The following ANKRD55 variants were observed in gnomAD, a reference collection of about 807,000 sequenced individuals.
ANKRD55 encodes the protein ankyrin repeat domain-containing protein 55.
Under a neutral mutation model 60.6 loss-of-function variants are expected in ANKRD55, and 41 were observed. The observed-to-expected ratio is 0.68, with a 90% CI of 0.53 to 0.88. The LOEUF (loss-of-function observed/expected upper bound fraction) is 0.88. Among genes scored for constraint, ANKRD55 ranks in the 40% least tolerant of loss-of-function variants. ANKRD55 has a pLI of 0.00. For missense variants in ANKRD55, 732 were observed against 767.6 expected, an observed-to-expected ratio of 0.95 and a Z score of 0.55; for synonymous variants, 264 against 290.3, an observed-to-expected ratio of 0.91 and a Z score of 0.92.
intron 5 of ANKRD55, among the ~76,000 whole-genome samples, chr5:56,164,111 A>C (rs1337934952): frequency 1.3e-5 from 2 of 152,144 alleles, no homozygotes; most frequent in Non-Finnish European, 2.9e-5. Context: ...ACAAAAAACA[A>C]ACAAAAAATT....
At chr5:56,157,952 G>A (rs1758237173) in intron 6 of ANKRD55, among the ~76,000 whole-genome samples, 1 of 152,124 alleles carries the variant, frequency 6.6e-6, no homozygotes, top group South Asian at 2.1e-4. Flanking sequence ...GTATGGAGGG[G>A]CAGGCCACCC....
chr5:56,226,738 T>G (rs1450924704), intron 2 of ANKRD55, among the ~76,000 whole-genome samples: 1 of 152,112 alleles, frequency 6.6e-6, no homozygotes, highest in Non-Finnish European at 1.5e-5. Context: ...CATGAAAAAA[T>G]GCTCATCATC....
Position 56,170,570 on chromosome 5 carries a change from C to CAAAA in ANKRD55, c.422+120_422+123dup, listed in dbSNP as rs3047043. The CAAAA allele has an allele frequency of 3.0e-3, 1,852 of 614,026 alleles. 2 individuals carry two copies. The highest frequency in any genetic ancestry group is 9.4e-3 in the African/African-American group (489 of 51,992). 38.0% of individuals were successfully genotyped at this position (614,026 alleles called of 1,614,324 possible). ...GTTGTGGTCCTATCTGCTGCAACTT[C>CAAAA]AAAAAAAAAAAAAGATGGTTTTCTT... On this transcript the variant is annotated intron_variant, in intron 5 of 11. Transcript: ENST00000341048.
intron 2 of ANKRD55, among the ~76,000 whole-genome samples, chr5:56,214,215 G>C (rs1759748369): frequency 6.6e-6 from 1 of 152,146 alleles, no homozygotes; most frequent in African/African-American, 2.4e-5. Flanking sequence ...ATTTGGGTGG[G>C]GGCACAGCCA....
At chr5:56,142,891 A>T (rs1457097760) in intron 7 of ANKRD55, among the ~76,000 whole-genome samples, 1 of 152,242 alleles carries the variant, frequency 6.6e-6, no homozygotes, top group Non-Finnish European at 1.5e-5. Context: ...AGAGAAACTG[A>T]AGCCAAGGTT....
chr5:56,111,855 C>T (rs940352337), intron 9 of ANKRD55, 73 bp from the exon 10 acceptor site: 1 of 1,336,156 alleles, frequency 7.5e-7, no homozygotes, highest in Non-Finnish European at 9.8e-7. Context: ...GAAATACCGA[C>T]CCCCTATTCC....
chr5:56,109,038 AACACACACACACACACACAC>A (rs60023559), intron 10 of ANKRD55, among the ~76,000 whole-genome samples: 2 of 143,968 alleles, frequency 1.4e-5, no homozygotes, highest in Admixed American at 6.8e-5. Context: ...TCTGTCTCAA[AACACACACACACACACACAC>A]ACACACACAC....
chr5:56,201,863 A>C (rs1759388442), intron 2 of ANKRD55, among the ~76,000 whole-genome samples: 1 of 152,258 alleles, frequency 6.6e-6, no homozygotes, highest in Admixed American at 6.5e-5. Context: ...TAGCAGCACT[A>C]TTCACTGTTA....
intron 5 of ANKRD55, among the ~76,000 whole-genome samples, chr5:56,168,434 C>A (rs758255569): frequency 6.6e-5 from 10 of 152,166 alleles, no homozygotes; most frequent in Non-Finnish European, 2.9e-5. Flanking sequence ...CAGCTGTCCC[C>A]GTATCGCAGC....
intron 10 of ANKRD55, among the ~76,000 whole-genome samples, chr5:56,106,500 T>C (rs966245775): frequency 6.9e-6 from 1 of 145,982 alleles, no homozygotes; most frequent in African/African-American, 2.6e-5. Flanking sequence ...CTCGGCTCAC[T>C]GCAACCTCTG....
chr5:56,218,809 G>C (rs6878582), intron 2 of ANKRD55, among the ~76,000 whole-genome samples: 14,618 of 149,552 alleles, frequency 0.098, 1,223 homozygotes, highest in African/African-American at 0.23. Context: ...CACACACACA[G>C]AGAGAGAGAG....
chr5:56,211,809 C>G (rs1309648509), intron 2 of ANKRD55, among the ~76,000 whole-genome samples: 1 of 152,078 alleles, frequency 6.6e-6, no homozygotes, highest in Non-Finnish European at 1.5e-5. Flanking sequence ...GCAAAAATAA[C>G]CTTTAAATAT....
rs191181544 is a variant in ANKRD55 at position 56,151,602 on chromosome 5, C to A, written c.484-7673G>T. On this transcript the variant is annotated intron_variant, in intron 6 of 11. Transcript: ENST00000341048. ...CCGAGGCAGGTGGATCACTTGAGGA[C>A]AGGAGTTCGAGACCAGCCTGGCTAA... 3.4e-4 allele frequency among the ~76,000 whole-genome samples: 51 copies of A among 152,162 alleles called. No individual in the cohort carries two copies. The East Asian group carries it at 7.3e-3, about 22-fold the overall frequency.
chr5:56,105,322 G>C (rs1402256166), intron 10 of ANKRD55, among the ~76,000 whole-genome samples: 1 of 152,076 alleles, frequency 6.6e-6, no homozygotes, highest in Non-Finnish European at 1.5e-5. Flanking sequence ...CCTGACCTCA[G>C]GTGATCCACC....
At chr5:56,155,003 G>A (rs1325572221) in intron 6 of ANKRD55, among the ~76,000 whole-genome samples, 3 of 152,034 alleles carry the variant, frequency 2.0e-5, no homozygotes, top group African/African-American at 7.2e-5. Flanking sequence ...AGGCTGAGGC[G>A]GGAGGATCAC....
chr5:56,116,983 A>G (rs999526819), intron 8 of ANKRD55: 18 of 482,002 alleles, frequency 3.7e-5, no homozygotes, highest in African/African-American at 3.7e-4. Context: ...AGCTCTAAGT[A>G]TTCCCTGCCA....
intron 2 of ANKRD55, among the ~76,000 whole-genome samples, chr5:56,214,178 A>G (rs1759747084): frequency 6.6e-6 from 1 of 152,330 alleles, no homozygotes; most frequent in South Asian, 2.1e-4. Context: ...CTCTTGACAC[A>G]TGGGGATTAT....
intron 2 of ANKRD55, among the ~76,000 whole-genome samples, chr5:56,209,059 G>A (rs1315566854): frequency 2.0e-5 from 3 of 152,124 alleles, no homozygotes; most frequent in South Asian, 4.2e-4. Context: ...CTGGGTTCAA[G>A]CGATTCTCCT....
At chr5:56,204,150 T>G (rs1035614817) in intron 2 of ANKRD55, among the ~76,000 whole-genome samples, 2 of 152,222 alleles carry the variant, frequency 1.3e-5, no homozygotes, top group Non-Finnish European at 2.9e-5. Flanking sequence ...TCTGTTCATA[T>G]CTTTTGCCCA....
Sources: allele counts gnomAD v4.1 joint callset (sites outside exome capture counted in the v4.1 genomes callset), GRCh38; gene constraint gnomAD v4.1.1; transcripts MANE v1.5; gene names NCBI Gene and HGNC (gene_info 2026-07-23, HGNC 2026-07-21).